WWOX: variants seen among roughly 807,000 people sequenced by gnomAD.
WWOX encodes WW domain containing oxidoreductase.
Under a neutral mutation model 46.2 loss-of-function variants are expected in WWOX, and 69 were observed. The ratio of observed to expected loss-of-function variants is 1.49; its 90% CI spans 1.23 to 1.82. The LOEUF (loss-of-function observed/expected upper bound fraction) is 1.82. Among genes scored for constraint, WWOX ranks in the 40% most tolerant of loss-of-function variants. The pLI, the probability that WWOX is intolerant of heterozygous loss-of-function variation, is 0.00. For missense variants in WWOX, 919 were observed against 542.6 expected, an observed-to-expected ratio of 1.69 and a Z score of -6.89; for synonymous variants, 359 against 202.6, an observed-to-expected ratio of 1.77 and a Z score of -6.56.
chr16:78,543,035 G>C (rs1028928554), intron 8 of WWOX, among the ~76,000 whole-genome samples: 2 of 152,214 alleles, frequency 1.3e-5, no homozygotes, highest in African/African-American at 4.8e-5. Context: ...GGATGTGGTT[G>C]GGGAAGGGCA....
Position 78,816,339 on chromosome 16 carries a change from C to G in WWOX, c.1056+383587C>G, listed in dbSNP as rs146621388. Among the ~76,000 whole-genome samples the G allele has an allele frequency of 2.3e-3, 350 of 152,156 alleles. 1 individual carries two copies. Among genetic ancestry groups the G allele is most frequent in the Admixed American group, 0.021 (324 of 15,292 alleles). ...ATTTTTTCCTGATATATCGAGGACTCCAGATGTAACCTCATTGATAGTCTT... is the reference window on the plus strand; with the variant it reads ...ATTTTTTCCTGATATATCGAGGACTGCAGATGTAACCTCATTGATAGTCTT... On this transcript the variant is annotated intron_variant, in intron 8 of 8. Transcript: ENST00000566780.
chr16:78,296,278 T>C (rs1158557124), intron 5 of WWOX, among the ~76,000 whole-genome samples: 2 of 152,066 alleles, frequency 1.3e-5, no homozygotes, highest in African/African-American at 4.8e-5. Flanking sequence ...ATGTCGGTTT[T>C]CTGGTAATAA....
At chr16:78,306,365 C>A (rs140820633) in intron 5 of WWOX, among the ~76,000 whole-genome samples, 2 of 152,208 alleles carry the variant, frequency 1.3e-5, no homozygotes, top group African/African-American at 2.4e-5. Flanking sequence ...GTCAGGCGAT[C>A]AGGGATTTGC....
At chr16:79,099,074 G>A (rs1003283737) in intron 8 of WWOX, among the ~76,000 whole-genome samples, 1 of 149,554 alleles carries the variant, frequency 6.7e-6, no homozygotes, top group Non-Finnish European at 1.5e-5. Flanking sequence ...AGATCACATG[G>A]GCAGAGAGGA....
intron 8 of WWOX, among the ~76,000 whole-genome samples, chr16:79,105,150 C>T (rs551036637): frequency 1.3e-5 from 2 of 152,240 alleles, no homozygotes; most frequent in South Asian, 2.1e-4. Flanking sequence ...CAGAGCCTCT[C>T]GATGAGCTAT....
At chr16:79,082,530 G>A (rs554401703) in intron 8 of WWOX, among the ~76,000 whole-genome samples, 4 of 152,246 alleles carry the variant, frequency 2.6e-5, no homozygotes, top group Non-Finnish European at 4.4e-5. Context: ...TGTGTGCCTC[G>A]CATCTTGGTC....
intron 8 of WWOX, among the ~76,000 whole-genome samples, chr16:78,508,127 A>G (rs1013598080): frequency 5.9e-5 from 9 of 151,406 alleles, no homozygotes; most frequent in African/African-American, 1.7e-4. Flanking sequence ...CCGTGTCTCA[A>G]TCTCCCTAGT....
chr16:78,414,344 A>T (rs2082749764), intron 6 of WWOX, among the ~76,000 whole-genome samples: 1 of 152,266 alleles, frequency 6.6e-6, no homozygotes, highest in South Asian at 2.1e-4. Flanking sequence ...AGAGGTGGGC[A>T]GATCACTTGA....
intron 8 of WWOX, among the ~76,000 whole-genome samples, chr16:79,048,009 G>T (rs771082517): frequency 1.3e-5 from 2 of 152,064 alleles, no homozygotes; most frequent in Non-Finnish European, 2.9e-5. Flanking sequence ...TATCCCTTGT[G>T]GTCAAGGTGG....
chr16:79,104,037 T>TGGGG (rs58934537), intron 8 of WWOX, among the ~76,000 whole-genome samples: 28 of 38,364 alleles, frequency 7.3e-4, no homozygotes, highest in South Asian at 1.2e-3. Flanking sequence ...TGCCCTTTTT[T>TGGGG]GGGGGGGGGG....
At chr16:78,158,705 T>A (rs1260782953) in intron 4 of WWOX, among the ~76,000 whole-genome samples, 1 of 152,182 alleles carries the variant, frequency 6.6e-6, no homozygotes, top group Non-Finnish European at 1.5e-5. Context: ...CTTTTCTTTA[T>A]TTTTCATTTT....
chr16:78,572,158 C>G (rs1448667797), intron 8 of WWOX, among the ~76,000 whole-genome samples: 1 of 152,106 alleles, frequency 6.6e-6, no homozygotes, highest in Non-Finnish European at 1.5e-5. Context: ...TAGCAAGAAC[C>G]TGAAAGTCCT....
At position 78,310,133 on chromosome 16, in the gene WWOX, A is replaced by ATT. The variant is rs1226161167; in HGVS notation, c.517-76726_517-76725insTT. ...TCTCTTGCCCCATTGTTTTAAACCC[A>ATT]TCTGTTTTTGTTGCTGGTAACTGTA... is the stretch of plus-strand genomic sequence containing the variant. On this transcript the variant is annotated intron_variant, in intron 5 of 8. Transcript: ENST00000566780. Among the ~76,000 whole-genome samples, 3 of 150,710 alleles carry ATT rather than the reference A, an allele frequency of 2.0e-5. No homozygotes were observed. In the East Asian group the frequency reaches 5.9e-4, roughly 29 times the overall value.
At chr16:79,013,950 G>C (rs1236302329) in intron 8 of WWOX, among the ~76,000 whole-genome samples, 1 of 152,184 alleles carries the variant, frequency 6.6e-6, no homozygotes, top group Non-Finnish European at 1.5e-5. Flanking sequence ...CAGAGAGGAA[G>C]AGAGGATGCT....
intron 8 of WWOX, among the ~76,000 whole-genome samples, chr16:79,057,584 T>TG (rs11320117): frequency 5.3e-5 from 8 of 151,626 alleles, no homozygotes; most frequent in South Asian, 2.1e-4. Context: ...TTGGTGATTT[T>TG]GGGGGGGGCA....
At chr16:78,584,915 T>G (rs1322871091) in intron 8 of WWOX, among the ~76,000 whole-genome samples, 20 of 152,166 alleles carry the variant, frequency 1.3e-4, no homozygotes, top group Non-Finnish European at 1.5e-5. Context: ...TTGACAGAAT[T>G]TTTCTCCCGC....
chr16:79,124,261 C>T (rs984886767), intron 8 of WWOX, among the ~76,000 whole-genome samples: 9 of 151,962 alleles, frequency 5.9e-5, no homozygotes, highest in East Asian at 1.9e-4. Flanking sequence ...CGGTGCAGAG[C>T]GCTCGGCAAA....
intron 8 of WWOX, among the ~76,000 whole-genome samples, chr16:79,074,998 A>C (rs766744937): frequency 1.3e-5 from 2 of 152,212 alleles, no homozygotes; most frequent in African/African-American, 4.8e-5. Flanking sequence ...ACATTCGACT[A>C]TTCCCTACTC....
chr16:78,142,020 T>C (rs907463531), intron 4 of WWOX, among the ~76,000 whole-genome samples: 2 of 151,108 alleles, frequency 1.3e-5, no homozygotes, highest in African/African-American at 4.9e-5. Flanking sequence ...AAGATGGTGC[T>C]CCCTAACTGA....
Sources: gnomAD v4.1 joint callset for allele counts (sites outside exome capture counted in the v4.1 genomes callset) on GRCh38, gnomAD v4.1.1 for gene constraint, MANE v1.5 for transcripts, NCBI Gene and HGNC (gene_info 2026-07-23, HGNC 2026-07-21) for gene names.